Variants in UNC5C observed in about 807,000 individuals in gnomAD.
UNC5C encodes netrin receptor UNC5C.
A neutral mutation model predicts 99.8 loss-of-function variants in UNC5C; 47 were observed. The ratio of observed to expected loss-of-function variants is 0.47; its 90% CI spans 0.37 to 0.60. The LOEUF is 0.60. Among genes scored for constraint, UNC5C ranks in the 20% least tolerant of loss-of-function variants. The probability of loss-of-function intolerance (pLI) is 0.00; values close to 1 mark genes in which losing one functional copy is unlikely to be tolerated. For synonymous variants in UNC5C, 487 were observed against 452.2 expected (o/e 1.08, Z -0.98); for missense variants, 1,062 against 1,165.9 (o/e 0.91, Z 1.30).
At chr4:95,320,435 A>G (rs1159779625) in intron 2 of UNC5C, among the ~76,000 whole-genome samples, 5 of 142,072 alleles carry the variant, frequency 3.5e-5, no homozygotes, top group Non-Finnish European at 6.0e-5. Context: ...AAAAAAAAAA[A>G]AAAGAAAAGA....
chr4:95,505,921 T>C (rs1721907090), intron 1 of UNC5C, among the ~76,000 whole-genome samples: 1 of 152,062 alleles, frequency 6.6e-6, no homozygotes, highest in Non-Finnish European at 1.5e-5. Context: ...AATACAAGAC[T>C]GAACTCATTT....
At chr4:95,450,598 C>T (rs56051847) in intron 1 of UNC5C, among the ~76,000 whole-genome samples, 30,399 of 152,066 alleles carry the variant, frequency 0.2, 3,220 homozygotes, top group Non-Finnish European at 0.23. Flanking sequence ...TTCCTTTCTC[C>T]GTCTTATTTC....
At chr4:95,425,064 G>A (rs929785057) in intron 1 of UNC5C, among the ~76,000 whole-genome samples, 1 of 151,966 alleles carries the variant, frequency 6.6e-6, no homozygotes, top group Non-Finnish European at 1.5e-5. Flanking sequence ...GCATTTCAAT[G>A]TTACTTGTCA....
At chr4:95,247,670 C>T (rs1187175069) in intron 5 of UNC5C, among the ~76,000 whole-genome samples, 1 of 152,160 alleles carries the variant, frequency 6.6e-6, no homozygotes, top group Non-Finnish European at 1.5e-5. Context: ...ACCCAATATT[C>T]CTGACCCCAG....
intron 15 of UNC5C, among the ~76,000 whole-genome samples, chr4:95,169,754 A>G (rs1008764805): frequency 8.5e-6 from 1 of 117,312 alleles, no homozygotes; most frequent in Non-Finnish European, 2.1e-5. Context: ...GACACTCCAC[A>G]AAGTAGACGC....
chr4:95,469,603 C>G (rs1309720969), intron 1 of UNC5C, among the ~76,000 whole-genome samples: 1 of 151,958 alleles, frequency 6.6e-6, no homozygotes, highest in Non-Finnish European at 1.5e-5. Context: ...CGTCCTTAAA[C>G]TGTATTCATT....
intron 1 of UNC5C, among the ~76,000 whole-genome samples, chr4:95,447,339 A>G (rs1050355092): frequency 2.0e-5 from 3 of 152,100 alleles, no homozygotes; most frequent in Admixed American, 2.0e-4. Flanking sequence ...TTGCTTAACT[A>G]TTTACATGTT....
At chr4:95,530,835 A>G (rs1290210746) in intron 1 of UNC5C, among the ~76,000 whole-genome samples, 2 of 152,192 alleles carry the variant, frequency 1.3e-5, no homozygotes, top group Non-Finnish European at 2.9e-5. Context: ...TTTGTGCAGC[A>G]CTTGACAAGT....
chr4:95,300,335 A>C (rs1461837494), intron 3 of UNC5C, among the ~76,000 whole-genome samples: 2 of 152,286 alleles, frequency 1.3e-5, no homozygotes, highest in Non-Finnish European at 2.9e-5. Flanking sequence ...TTTTGCAATG[A>C]AGCTTCTATA....
At chr4:95,198,888 G>T (rs1299466186) in intron 12 of UNC5C, among the ~76,000 whole-genome samples, 1 of 152,202 alleles carries the variant, frequency 6.6e-6, no homozygotes, top group Non-Finnish European at 1.5e-5. Context: ...GTTCCAAAAA[G>T]ATTTGGGAAA....
At chr4:95,487,954 AG>A (rs1477771526) in intron 1 of UNC5C, among the ~76,000 whole-genome samples, 3 of 151,782 alleles carry the variant, frequency 2.0e-5, no homozygotes, top group Admixed American at 6.6e-5. Flanking sequence ...GTTTACAAGA[AG>A]GTTGAAGAGA....
intron 3 of UNC5C, among the ~76,000 whole-genome samples, chr4:95,287,037 G>C (rs1211074751): frequency 6.6e-6 from 1 of 152,198 alleles, no homozygotes; most frequent in African/African-American, 2.4e-5. Context: ...AAAGTGTCAA[G>C]TTACCTTAAT....
rs934983619 is a variant in UNC5C, at chr4:95,514,438, T to A, written c.124+34296A>T. On this transcript the variant is annotated intron_variant, in intron 1 of 15. Coordinates refer to ENST00000453304, the MANE Select transcript of UNC5C (RefSeq NM_003728.4). Reference sequence around the variant, plus strand: ...CTATTGGCCTTAATTCTTTGAACTCTCTTAGAGGTTAAATCATCTCTGAGA... The same window carrying A: ...CTATTGGCCTTAATTCTTTGAACTCACTTAGAGGTTAAATCATCTCTGAGA... 2.6e-5 allele frequency among the ~76,000 whole-genome samples: 4 copies of A among 152,078 alleles called. No individual in the cohort carries two copies. In the East Asian group the frequency reaches 5.8e-4, roughly 22 times the overall value.
chr4:95,328,935 G>T (rs1228514894), intron 2 of UNC5C, among the ~76,000 whole-genome samples: 2 of 152,102 alleles, frequency 1.3e-5, no homozygotes, highest in African/African-American at 2.4e-5. Flanking sequence ...CCCCTCACCT[G>T]CATGCTCCCC....
chr4:95,271,389 G>T (rs541231550), intron 4 of UNC5C, among the ~76,000 whole-genome samples: 47 of 148,608 alleles, frequency 3.2e-4, no homozygotes, highest in Non-Finnish European at 5.1e-4. Flanking sequence ...CACCACGCCC[G>T]GCTAATTTTT....
chr4:95,515,537 G>A (rs536335922), intron 1 of UNC5C, among the ~76,000 whole-genome samples: 1 of 152,274 alleles, frequency 6.6e-6, no homozygotes, highest in East Asian at 1.9e-4. Flanking sequence ...GTTTTTGTTA[G>A]CTGAGGAAAA....
At position 95,258,337 on chromosome 4, in the gene UNC5C, G is replaced by A. The variant is rs1022944063; in HGVS notation, c.595-7670C>T. ...ATGCTTTTTGTTGATTTCAACCTGA[G>A]GCTTCTCTTTTCTCTACTCCTTCCA... On this transcript the variant is annotated intron_variant, in intron 4 of 15. Coordinates refer to ENST00000453304, the MANE Select transcript of UNC5C (RefSeq NM_003728.4). Among the ~76,000 whole-genome samples, 3 of 152,136 alleles carry A rather than the reference G, an allele frequency of 2.0e-5. No individual in the cohort carries two copies. The South Asian group carries it at 6.2e-4, about 32-fold the overall frequency.
At chr4:95,275,180 T>A (rs1391962117) in intron 4 of UNC5C, among the ~76,000 whole-genome samples, 1 of 152,188 alleles carries the variant, frequency 6.6e-6, no homozygotes, top group African/African-American at 2.4e-5. Flanking sequence ...GTAGCGTGTG[T>A]GGACTCCAGC....
intron 1 of UNC5C, among the ~76,000 whole-genome samples, chr4:95,527,876 T>G (rs1739360552): frequency 6.6e-6 from 1 of 152,156 alleles, no homozygotes; most frequent in African/African-American, 2.4e-5. Flanking sequence ...ACTATTCCCC[T>G]ATATTCCTCC....
Sources: allele counts gnomAD v4.1 joint callset (sites outside exome capture counted in the v4.1 genomes callset), GRCh38; gene constraint gnomAD v4.1.1; transcripts MANE v1.5; gene names NCBI Gene and HGNC (gene_info 2026-07-23, HGNC 2026-07-21).